ABR: variants seen among roughly 807,000 people sequenced by gnomAD.
The protein encoded by ABR is ABR activator of RhoGEF and GTPase, also known as active breakpoint cluster region-related protein.
ABR carries 35 observed loss-of-function variants against 107.2 expected under a neutral mutation model. The observed-to-expected ratio is 0.33, with a 90% CI of 0.25 to 0.43. The LOEUF is 0.43. ABR is among the 20% of genes least tolerant of loss of function. The probability of loss-of-function intolerance (pLI) is 1.00; values close to 1 mark genes in which losing one functional copy is unlikely to be tolerated. For missense variants in ABR, 815 were observed against 1,115.2 expected (o/e 0.73, Z 3.83); for synonymous variants, 498 against 462.0 (o/e 1.08, Z -1.00).
chr17:1,079,761 C>T (rs1229812079), intron 5 of ABR, among the ~76,000 whole-genome samples: 1 of 129,414 alleles, frequency 7.7e-6, no homozygotes, highest in African/African-American at 3.0e-5. Flanking sequence ...TGCACTCCAG[C>T]CTGGGCAACA....
Position 1,070,043 on chromosome 17 carries a change from GCTCT to G in ABR, c.938_941del (p.Glu313AlafsTer20). 1.2e-6 allele frequency: 2 copies of G among 1,613,688 alleles called. No individual in the cohort carries two copies. The highest frequency in any genetic ancestry group is 8.5e-7 in the Non-Finnish European group (1 of 1,179,944). ...GGAAGACGTGCCGCAGCTTCCGGGA[GCTCT>G]CTGACACTTCCACCAGGAAGCCGTC... On this transcript the variant is annotated frameshift_variant, in exon 9 of 23. Transcript: ENST00000302538. LOFTEE classifies it high-confidence loss of function. The surrounding 1 kb of genome is among the most constrained non-coding windows in gnomAD (Gnocchi z 4.2).
intron 6 of ABR, among the ~76,000 whole-genome samples, chr17:1,074,438 A>G (rs2035535576): frequency 6.6e-6 from 1 of 151,272 alleles, no homozygotes; most frequent in African/African-American, 2.4e-5. Context: ...CCACCCAGCC[A>G]TGCCCTGCAG....
chr17:1,024,909 C>CA (rs1170515644), intron 16 of ABR, among the ~76,000 whole-genome samples: 1 of 151,966 alleles, frequency 6.6e-6, no homozygotes. Context: ...CACCTGAGGT[C>CA]AGGAGTTCAA....
At chr17:1,058,508 G>T (rs540752522) in intron 11 of ABR, among the ~76,000 whole-genome samples, 1 of 152,288 alleles carries the variant, frequency 6.6e-6, no homozygotes, top group South Asian at 2.1e-4. Context: ...GTGGGTGAAG[G>T]GGGAGCTCCT....
At chr17:1,060,691 AATT>A (rs2033821953) in intron 10 of ABR, among the ~76,000 whole-genome samples, 1 of 151,768 alleles carries the variant, frequency 6.6e-6, no homozygotes, top group African/African-American at 2.4e-5. Context: ...AAATTTAAAA[AATT>A]ATTATCAAGA....
intron 16 of ABR, among the ~76,000 whole-genome samples, chr17:1,016,918 T>G (rs2071211591): frequency 6.6e-6 from 1 of 152,162 alleles, no homozygotes; most frequent in Non-Finnish European, 1.5e-5. Flanking sequence ...GAAGGGAAAC[T>G]GGATCTGGGT....
chr17:1,093,142 T>C (rs116506846), intron 3 of ABR, among the ~76,000 whole-genome samples: 432 of 151,702 alleles, frequency 2.8e-3, no homozygotes, highest in African/African-American at 0.01. Context: ...ATTCTGTTGA[T>C]GTTCTTCACC....
intron 2 of ABR, among the ~76,000 whole-genome samples, chr17:1,109,717 G>C (rs1307999142): frequency 1.3e-5 from 2 of 151,582 alleles, no homozygotes; most frequent in Non-Finnish European, 2.9e-5. Context: ...CCACAGCCGC[G>C]TCCCGCCGCC....
rs989900794 is a variant in ABR at position 1,037,763 on chromosome 17, G to A, written c.1791+12287C>T. Among the ~76,000 whole-genome samples the A allele has an allele frequency of 6.6e-6, 1 of 152,024 alleles. No homozygotes were observed. The highest frequency in any genetic ancestry group is 1.5e-5 in the Non-Finnish European group (1 of 67,998). ...GGCCTGAAGGTGGGATGGGGTCGCCGAGCCTCCCTGCTCTTTCTTCATTCT... is the reference window on the plus strand; with the variant it reads ...GGCCTGAAGGTGGGATGGGGTCGCCAAGCCTCCCTGCTCTTTCTTCATTCT... On this transcript the variant is annotated intron_variant, in intron 16 of 22. Transcript: ENST00000302538. This position sits in a 1 kb window ranked among gnomAD's most constrained non-coding sequence, Gnocchi z 4.6.
intron 2 of ABR, among the ~76,000 whole-genome samples, chr17:1,124,139 AG>A (rs1451477442): frequency 6.7e-6 from 1 of 150,298 alleles, no homozygotes; most frequent in African/African-American, 2.5e-5. Context: ...GTGTGTGAAG[AG>A]GGGTGAGAGC....
At chr17:1,044,482 T>TCTA (rs1271190811) in intron 16 of ABR, among the ~76,000 whole-genome samples, 10 of 152,000 alleles carry the variant, frequency 6.6e-5, no homozygotes, top group Non-Finnish European at 1.5e-4. Context: ...AAACCCTGTC[T>TCTA]CTACTACTAC....
At chr17:1,227,227 G>A (rs956322221) in intron 1 of ABR, among the ~76,000 whole-genome samples, 2 of 152,126 alleles carry the variant, frequency 1.3e-5, no homozygotes, top group Admixed American at 6.6e-5. Flanking sequence ...GACAGGCGAC[G>A]ACTCACAGAA....
At chr17:1,223,230 C>G (rs766421374) in intron 1 of ABR, among the ~76,000 whole-genome samples, 1 of 151,622 alleles carries the variant, frequency 6.6e-6, no homozygotes, top group Non-Finnish European at 1.5e-5. Flanking sequence ...AAAAATTAGC[C>G]GGGCTTGGTG....
intron 16 of ABR, among the ~76,000 whole-genome samples, chr17:1,043,858 G>A (rs771613368): frequency 1.3e-5 from 2 of 152,248 alleles, no homozygotes; most frequent in Non-Finnish European, 2.9e-5. Flanking sequence ...ACTGTGGGGT[G>A]GGGGCTGTCC....
intron 1 of ABR, among the ~76,000 whole-genome samples, chr17:1,156,610 G>C (rs1424928612): frequency 2.0e-5 from 3 of 152,172 alleles, no homozygotes; most frequent in Non-Finnish European, 4.4e-5. Context: ...CCTGAACCCG[G>C]GAGGCGGAGG....
chr17:1,133,522 A>T (rs1187829251), intron 1 of ABR, among the ~76,000 whole-genome samples: 2 of 152,192 alleles, frequency 1.3e-5, no homozygotes, highest in African/African-American at 4.8e-5. Context: ...GATGAATAGC[A>T]TCTTATCAAG....
At position 1,179,788 on chromosome 17, in the gene ABR, G is replaced by T; in HGVS notation, c.-61C>A. On this transcript the variant is annotated 5_prime_UTR_variant, in exon 1 of 23. Coordinates refer to ENST00000302538, the MANE Select transcript of ABR (RefSeq NM_021962.5). The surrounding 1 kb of genome is among the most constrained non-coding windows in gnomAD (Gnocchi z 4.9). ...CCCTCATCGCGCAACAAAGGAGGGA[G>T]AGCGGGCGGGAGCCGGGGGAGGCCG... The T allele has an allele frequency of 4.5e-6, 6 of 1,327,490 alleles. No homozygotes were observed. The highest frequency in any genetic ancestry group is 1.6e-5 in the South Asian group (1 of 64,094). 82.2% of individuals were successfully genotyped at this position (1,327,490 alleles called of 1,614,324 possible). A position where few individuals can be genotyped will look rare whatever the true frequency, so the allele number is the denominator to read the frequency against.
At chr17:1,112,015 C>G (rs1241231151) in intron 2 of ABR, among the ~76,000 whole-genome samples, 1 of 152,242 alleles carries the variant, frequency 6.6e-6, no homozygotes, top group Non-Finnish European at 1.5e-5. Flanking sequence ...CTTCCCTCAA[C>G]CCCCACATCC....
rs2042651853 is a variant in ABR, at chr17:1,200,547, G to C, written c.838+28246C>G. ...CAGGTGTAATTGGAGTGGCTCTCCA[G>C]ACTGTGCCCAGGAATTTCTCAGCCT... On this transcript the variant is annotated intron_variant, in intron 1 of 22. Transcript: ENST00000574139. The surrounding 1 kb of genome is among the most constrained non-coding windows in gnomAD (Gnocchi z 4.1). Among the ~76,000 whole-genome samples, 1 of 151,988 alleles carries C rather than the reference G, an allele frequency of 6.6e-6. No homozygotes were observed. The highest frequency in any genetic ancestry group is 2.1e-4 in the South Asian group (1 of 4,820).
Sources: gnomAD v4.1 joint callset for allele counts (sites outside exome capture counted in the v4.1 genomes callset) on GRCh38, gnomAD v4.1.1 for gene constraint, Gnocchi (gnomAD v3.1) non-coding constraint, MANE v1.5 for transcripts, NCBI Gene and HGNC (gene_info 2026-07-23, HGNC 2026-07-21) for gene names.